PABPC4L: variants seen among roughly 807,000 people sequenced by gnomAD.
PABPC4L encodes poly(A) binding protein cytoplasmic 4 like.
For synonymous variants in PABPC4L, 169 were observed against 164.1 expected, an observed-to-expected ratio of 1.03 and a Z score of -0.23; for missense variants, 452 against 451.4, an observed-to-expected ratio of 1.00 and a Z score of -0.01.
At chr4:134,143,290 TTA>T in the PABPC4L span, among the ~76,000 whole-genome samples, 1 of 150,214 alleles carries the variant, frequency 6.7e-6, no homozygotes, top group Admixed American at 6.7e-5. Flanking sequence ...ATAATAAATA[TTA>T]TGTGTGTACA....
the PABPC4L span, among the ~76,000 whole-genome samples, chr4:134,072,306 T>C: frequency 6.6e-6 from 1 of 152,104 alleles, no homozygotes; most frequent in African/African-American, 2.4e-5. Flanking sequence ...TTGATGTGAG[T>C]CTGTCAACAA....
chr4:134,159,668 G>A, the PABPC4L span, among the ~76,000 whole-genome samples: 1,440 of 152,210 alleles, frequency 9.5e-3, 23 homozygotes, highest in African/African-American at 0.032. Flanking sequence ...GCTGACTAAC[G>A]TGGCCAGGGG....
the PABPC4L span, among the ~76,000 whole-genome samples, chr4:133,954,935 A>G: frequency 2.6e-5 from 4 of 152,162 alleles, no homozygotes; most frequent in Non-Finnish European, 4.4e-5. Context: ...GGCCAACAGT[A>G]TACCCAAACT....
the PABPC4L span, among the ~76,000 whole-genome samples, chr4:134,115,269 A>G: frequency 6.6e-6 from 1 of 151,868 alleles, no homozygotes; most frequent in South Asian, 2.1e-4. Context: ...GTGATCAAAT[A>G]GTGATGAGGC....
At chr4:133,960,473 G>C in the PABPC4L span, among the ~76,000 whole-genome samples, 1 of 152,186 alleles carries the variant, frequency 6.6e-6, no homozygotes, top group African/African-American at 2.4e-5. Context: ...AGGATCCTTA[G>C]GGTGTGTGGC....
the PABPC4L span, among the ~76,000 whole-genome samples, chr4:133,952,694 G>A: frequency 4.6e-5 from 7 of 152,102 alleles, no homozygotes; most frequent in South Asian, 2.1e-4. Flanking sequence ...TAACCCACAC[G>A]AGGGGATTAA....
chr4:134,177,410 G>T, the PABPC4L span, among the ~76,000 whole-genome samples: 3,404 of 151,976 alleles, frequency 0.022, 127 homozygotes, highest in African/African-American at 0.077. Flanking sequence ...TCTTGAACTT[G>T]CGATCCGCCC....
the PABPC4L span, among the ~76,000 whole-genome samples, chr4:134,043,108 A>T: frequency 6.6e-6 from 1 of 152,170 alleles, no homozygotes; most frequent in African/African-American, 2.4e-5. Context: ...TTCACCACCA[A>T]GGAATAAAGT....
the PABPC4L span, among the ~76,000 whole-genome samples, chr4:134,115,887 A>G: frequency 6.6e-6 from 1 of 151,818 alleles, no homozygotes; most frequent in Non-Finnish European, 1.5e-5. Context: ...TGGAAGAGGA[A>G]GGAGAAAAAT....
chr4:134,156,169 A>G, the PABPC4L span, among the ~76,000 whole-genome samples: 1 of 151,970 alleles, frequency 6.6e-6, no homozygotes, highest in African/African-American at 2.4e-5. Flanking sequence ...TGTTCATTTT[A>G]TAATAGAAAT....
the PABPC4L span, among the ~76,000 whole-genome samples, chr4:134,131,278 C>T: frequency 6.6e-6 from 1 of 151,880 alleles, no homozygotes; most frequent in African/African-American, 2.4e-5. Flanking sequence ...ATGACATGAT[C>T]ATATACCTAG....
At chr4:134,007,904 CTT>C in the PABPC4L span, among the ~76,000 whole-genome samples, 5 of 151,608 alleles carry the variant, frequency 3.3e-5, no homozygotes, top group Admixed American at 1.3e-4. Context: ...TTTACTGAAA[CTT>C]TTACTATGTC....
rs754668834 is a variant in PABPC4L, at chr4:134,200,912, C to T, written c.108G>A (p.Val36=). The T allele has an allele frequency of 2.6e-6, 4 of 1,560,734 alleles. No individual in the cohort carries two copies. The South Asian group carries it at 4.7e-5, about 18-fold the overall frequency. The change falls in exon 2 of 2, where the codon GTG becomes GTA. Residue 36 remains valine (V), a synonymous_variant. Coordinates refer to ENST00000421491, the MANE Select transcript of PABPC4L (RefSeq NM_001114734.2). ...LFRKFSTVGP[V]LSIRICRDQV... ...GGTCCCTGCAAATGCGGATGGACAG[C>T]ACAGGCCCCACAGTGCTGAACTTCC... is the stretch of plus-strand genomic sequence containing the variant.
the PABPC4L span, among the ~76,000 whole-genome samples, chr4:134,082,551 T>A: frequency 2.0e-5 from 3 of 152,148 alleles, no homozygotes; most frequent in East Asian, 5.8e-4. Flanking sequence ...TTAATGTTTT[T>A]AAAATTTTTA....
chr4:134,079,955 G>C, the PABPC4L span, among the ~76,000 whole-genome samples: 2 of 151,628 alleles, frequency 1.3e-5, no homozygotes, highest in Non-Finnish European at 2.9e-5. Context: ...CAACTAATGA[G>C]TATAAAACCT....
chr4:134,128,854 A>ATGCT, the PABPC4L span, among the ~76,000 whole-genome samples: 1 of 152,164 alleles, frequency 6.6e-6, no homozygotes, highest in African/African-American at 2.4e-5. Flanking sequence ...AATGGCCTAA[A>ATGCT]TGCTTCACTT....
chr4:134,017,658 C>A, the PABPC4L span, among the ~76,000 whole-genome samples: 1 of 152,138 alleles, frequency 6.6e-6, no homozygotes, highest in Admixed American at 6.5e-5. Flanking sequence ...ATTCTTAGAC[C>A]TTTAATACCT....
chr4:134,002,249 A>G, the PABPC4L span, among the ~76,000 whole-genome samples: 1 of 151,912 alleles, frequency 6.6e-6, no homozygotes, highest in Non-Finnish European at 1.5e-5. Context: ...TTCCTAGGGG[A>G]AATTTGAAGA....
the PABPC4L span, among the ~76,000 whole-genome samples, chr4:134,091,445 T>C: frequency 1.3e-4 from 20 of 151,972 alleles, no homozygotes; most frequent in African/African-American, 4.8e-4. Context: ...TAATTTTTAA[T>C]TTATTCTTTA....
Sources: gnomAD v4.1 joint callset for allele counts (sites outside exome capture counted in the v4.1 genomes callset) on GRCh38, gnomAD v4.1.1 for gene constraint, MANE v1.5 for transcripts, NCBI Gene and HGNC (gene_info 2026-07-23, HGNC 2026-07-21) for gene names.